Variants in RERE observed in about 807,000 individuals in gnomAD.
RERE encodes arginine-glutamic acid dipeptide repeats protein.
RERE carries 40 observed loss-of-function variants against 146.1 expected under a neutral mutation model. That is an observed-to-expected ratio of 0.27 (90% confidence interval 0.21 to 0.36). The LOEUF (loss-of-function observed/expected upper bound fraction) is 0.36. RERE is among the 10% of genes least tolerant of loss of function. The pLI, the probability that RERE is intolerant of heterozygous loss-of-function variation, is 1.00. For synonymous variants in RERE, 1,003 were observed against 866.0 expected (o/e 1.16, Z -2.78); for missense variants, 1,933 against 2,138.7 (o/e 0.90, Z 1.90).
intron 11 of RERE, among the ~76,000 whole-genome samples, chr1:8,430,568 C>T (rs1467249899): frequency 2.6e-5 from 4 of 152,216 alleles, no homozygotes; most frequent in South Asian, 2.1e-4. Flanking sequence ...TTCAGACTAA[C>T]GTCCTCCATA....
intron 11 of RERE, among the ~76,000 whole-genome samples, chr1:8,451,715 G>C (rs1240382772): frequency 1.3e-5 from 2 of 152,130 alleles, no homozygotes; most frequent in East Asian, 3.9e-4. Flanking sequence ...GTAGTTCTCA[G>C]GGCCTGGATG....
chr1:8,772,794 A>C (rs1423841157), intron 1 of RERE, among the ~76,000 whole-genome samples: 2 of 150,434 alleles, frequency 1.3e-5, no homozygotes, highest in Non-Finnish European at 3.0e-5. Context: ...AAGAAAAGAA[A>C]AAGAAATTTA....
At chr1:8,363,854 C>A (rs886166049) in intron 15 of RERE, 6 of 596,796 alleles carry the variant, frequency 1.0e-5, no homozygotes, top group Non-Finnish European at 1.5e-5. Flanking sequence ...GAGCAGGATG[C>A]CACCCTGGGG....
chr1:8,392,632 C>T (rs754475250), intron 12 of RERE, among the ~76,000 whole-genome samples: 2 of 152,078 alleles, frequency 1.3e-5, no homozygotes, highest in African/African-American at 2.4e-5. Flanking sequence ...CCCTGAAGTA[C>T]GCATAACTCA....
At chr1:8,633,997 G>C (rs879743616) in intron 2 of RERE, among the ~76,000 whole-genome samples, 13 of 152,152 alleles carry the variant, frequency 8.5e-5, no homozygotes, top group Non-Finnish European at 1.9e-4. Context: ...TAAGGACCCA[G>C]AATTTGCTGC....
intron 1 of RERE, among the ~76,000 whole-genome samples, chr1:8,789,120 T>G (rs149332544): frequency 6.6e-6 from 1 of 150,726 alleles, no homozygotes; most frequent in Admixed American, 6.7e-5. Flanking sequence ...TATTTGATGG[T>G]AGAATTTTTG....
chr1:8,370,883 G>C (rs1207811496), intron 12 of RERE, among the ~76,000 whole-genome samples: 4 of 152,250 alleles, frequency 2.6e-5, no homozygotes, highest in Non-Finnish European at 5.9e-5. Flanking sequence ...TCAAAAGGCA[G>C]CTCCACAAAG....
chr1:8,616,948 T>C (rs1261712405), intron 3 of RERE, among the ~76,000 whole-genome samples: 2 of 152,204 alleles, frequency 1.3e-5, no homozygotes, highest in Non-Finnish European at 2.9e-5. Flanking sequence ...AAAAAGGATG[T>C]GGTCGTTCAA....
At chr1:8,359,542 C>T (rs1641463750) in intron 19 of RERE, among the ~76,000 whole-genome samples, 1 of 152,252 alleles carries the variant, frequency 6.6e-6, no homozygotes, top group South Asian at 2.1e-4. Context: ...CGCACAGTCA[C>T]TGCTGGGAGT....
intron 4 of RERE, among the ~76,000 whole-genome samples, chr1:8,584,343 G>A (rs372045601): frequency 4.6e-5 from 7 of 152,122 alleles, no homozygotes; most frequent in South Asian, 4.1e-4. Context: ...ACAGGAGTTC[G>A]AGACCAGCCT....
chr1:8,816,324 CAG>C (rs1331464912), intron 1 of RERE, among the ~76,000 whole-genome samples: 1 of 152,134 alleles, frequency 6.6e-6, no homozygotes, highest in Admixed American at 6.6e-5. Context: ...AAAAAAGCAA[CAG>C]ATACTGAAAC....
intron 1 of RERE, among the ~76,000 whole-genome samples, chr1:8,816,940 G>C (rs1641924279): frequency 6.6e-6 from 1 of 152,136 alleles, no homozygotes; most frequent in East Asian, 1.9e-4. Context: ...AGAGAGAGCA[G>C]GGGTCAGAAG....
intron 11 of RERE, among the ~76,000 whole-genome samples, chr1:8,439,455 A>ACAC (rs1489395460): frequency 6.6e-6 from 1 of 152,238 alleles, no homozygotes; most frequent in Non-Finnish European, 1.5e-5. Context: ...GCCTAAGAAA[A>ACAC]CACCAGGAAG....
At chr1:8,611,730 C>CCT (rs1244419200) in intron 4 of RERE, among the ~76,000 whole-genome samples, 1 of 152,186 alleles carries the variant, frequency 6.6e-6, no homozygotes, top group Non-Finnish European at 1.5e-5. Flanking sequence ...GCTGCAGAGC[C>CCT]ACACCCTTGA....
At chr1:8,445,605 T>A (rs1451044476) in intron 11 of RERE, among the ~76,000 whole-genome samples, 1 of 152,142 alleles carries the variant, frequency 6.6e-6, no homozygotes, top group Non-Finnish European at 1.5e-5. Flanking sequence ...ACAGAGGTGA[T>A]CTTGGTTCTG....
intron 4 of RERE, among the ~76,000 whole-genome samples, chr1:8,596,060 TA>T (rs1270802716): frequency 6.6e-6 from 1 of 152,204 alleles, no homozygotes; most frequent in Non-Finnish European, 1.5e-5. Flanking sequence ...TTCAGTAAAA[TA>T]AAGTTTCACT....
chr1:8,575,430 G>C lies in RERE; in HGVS notation c.523-17907C>G, dbSNP rs559153584. On this transcript the variant is annotated intron_variant, in intron 4 of 22. Coordinates refer to ENST00000400908, the MANE Select transcript of RERE (RefSeq NM_001042681.2). ...ACACTGTTTTGCTGTTGTCCAGGCT[G>C]GAGTGCACTGGTGCAATCACAGTTC... 4.1e-5 allele frequency among the ~76,000 whole-genome samples: 6 copies of C among 146,556 alleles called. No individual in the cohort carries two copies. The East Asian group carries it at 1.2e-3, about 29-fold the overall frequency.
At chr1:8,537,949 T>C (rs150797754) in intron 7 of RERE, among the ~76,000 whole-genome samples, 6 of 152,364 alleles carry the variant, frequency 3.9e-5, no homozygotes, top group Non-Finnish European at 8.8e-5. Context: ...TTCAGTGCTG[T>C]TCAATATGCT....
chr1:8,485,548 G>T (rs1299787780), intron 10 of RERE, among the ~76,000 whole-genome samples: 2 of 152,014 alleles, frequency 1.3e-5, no homozygotes, highest in Non-Finnish European at 2.9e-5. Flanking sequence ...GTAAGAAGTT[G>T]TAAAGAGATG....
Sources: gnomAD v4.1 joint callset for allele counts (sites outside exome capture counted in the v4.1 genomes callset) on GRCh38, gnomAD v4.1.1 for gene constraint, MANE v1.5 for transcripts, NCBI Gene and HGNC (gene_info 2026-07-23, HGNC 2026-07-21) for gene names.